Variants in FAM120A observed in about 807,000 individuals in gnomAD.
FAM120A encodes family with sequence similarity 120 member A.
In FAM120A, 15 loss-of-function variants were observed where a neutral mutation model predicts 109.7. The observed-to-expected ratio is 0.14, with a 90% CI of 0.09 to 0.21. The LOEUF (loss-of-function observed/expected upper bound fraction) is 0.21. Ranked by LOEUF, FAM120A falls within the 10% of genes least tolerant of loss-of-function variation. FAM120A has a pLI of 1.00. For synonymous variants in FAM120A, 493 were observed against 572.8 expected (o/e 0.86, Z 1.99); for missense variants, 899 against 1,439.3 (o/e 0.62, Z 6.07).
At chr9:93,531,751 AT>A (rs1162089675) in intron 9 of FAM120A, among the ~76,000 whole-genome samples, 8 of 152,352 alleles carry the variant, frequency 5.3e-5, no homozygotes, top group African/African-American at 1.9e-4. Context: ...TTTAGTTTGC[AT>A]GTAGGTAATT....
intron 3 of FAM120A, among the ~76,000 whole-genome samples, chr9:93,496,643 A>G (rs1358347772): frequency 6.6e-6 from 1 of 152,126 alleles, no homozygotes; most frequent in African/African-American, 2.4e-5. Flanking sequence ...TTGTCTGGGT[A>G]ATCCAGGACA....
intron 7 of FAM120A, among the ~76,000 whole-genome samples, chr9:93,520,996 C>T (rs938481911): frequency 2.6e-5 from 4 of 152,178 alleles, no homozygotes; most frequent in African/African-American, 9.7e-5. Context: ...TTGTACTGTA[C>T]AGTTCTCCTG....
intron 5 of FAM120A, among the ~76,000 whole-genome samples, chr9:93,504,948 T>TCAGTTG (rs1462616076): frequency 6.6e-6 from 1 of 152,202 alleles, no homozygotes; most frequent in Non-Finnish European, 1.5e-5. Flanking sequence ...TGTAAAGGTT[T>TCAGTTG]CAGTTGCATT....
chr9:93,538,683 C>G (rs1395377789), intron 10 of FAM120A, among the ~76,000 whole-genome samples: 2 of 152,202 alleles, frequency 1.3e-5, no homozygotes, highest in South Asian at 4.1e-4. Flanking sequence ...AGCTTAGAGA[C>G]ATACTTTATA....
intron 11 of FAM120A, among the ~76,000 whole-genome samples, chr9:93,548,109 A>T (rs1012006956): frequency 5.3e-5 from 8 of 152,168 alleles, no homozygotes; most frequent in Non-Finnish European, 1.0e-4. Context: ...GATTAAAAAA[A>T]AAAAATTTTT....
chr9:93,458,059 G>A (rs941201967), intron 1 of FAM120A, among the ~76,000 whole-genome samples: 2 of 152,060 alleles, frequency 1.3e-5, no homozygotes, highest in Non-Finnish European at 2.9e-5. Flanking sequence ...CCAAGGCACA[G>A]CCTCACTGTC....
intron 10 of FAM120A, among the ~76,000 whole-genome samples, chr9:93,539,840 G>C (rs963559819): frequency 2.6e-5 from 4 of 152,238 alleles, no homozygotes; most frequent in Admixed American, 6.5e-5. Flanking sequence ...CTACCCTCCA[G>C]CTGCCCCTTT....
At chr9:93,531,971 C>T (rs1439827099) in intron 9 of FAM120A, among the ~76,000 whole-genome samples, 184 bp from the exon 10 acceptor site, 3 of 152,198 alleles carry the variant, frequency 2.0e-5, no homozygotes, top group African/African-American at 7.2e-5. Flanking sequence ...TGAGCATATG[C>T]TTTGGCCACA....
At chr9:93,477,704 G>A (rs1401734288) in intron 3 of FAM120A, among the ~76,000 whole-genome samples, 1 of 152,192 alleles carries the variant, frequency 6.6e-6, no homozygotes, top group East Asian at 1.9e-4. Flanking sequence ...GTTTTGAAGA[G>A]CAGGAGTGAG....
intron 5 of FAM120A, among the ~76,000 whole-genome samples, chr9:93,508,258 A>G (rs568462973): frequency 1.4e-4 from 21 of 152,318 alleles, no homozygotes; most frequent in Admixed American, 5.2e-4. Context: ...AATCAGTACT[A>G]AGCAAAGAAC....
chr9:93,563,356 C>T (rs2131579269), intron 17 of FAM120A, among the ~76,000 whole-genome samples: 1 of 152,354 alleles, frequency 6.6e-6, no homozygotes, highest in Middle Eastern at 3.4e-3. Context: ...CCGAGTCAGT[C>T]TATGACAGTG....
In FAM120A at chr9:93,564,271, G is replaced by A. The variant is rs1005449933; in HGVS notation, c.3088G>A (p.Glu1030Lys). 6.2e-7 allele frequency: 1 copy of A among 1,613,744 alleles called. No homozygotes were observed. Among genetic ancestry groups the A allele is most frequent in the African/African-American group, 1.3e-5 (1 of 74,922 alleles). ...TGCTTCAGCAGAAGAAGTGGCCAAA[G>A]AACTTAAGTCAAAATCTGGGGAATC... ...YAASAEEVAK[E>K]LKSKSGESKS... Residue 1030 changes from glutamate to lysine, a missense_variant, in exon 18 of 18, where the codon GAA becomes AAA. Glu to Lys is a moderately conservative substitution (Grantham distance 56). Around this residue, in one of 11 missense-constraint regions of FAM120A, gnomAD observed 170 missense variants for 205.0 expected, o/e 0.83. Coordinates refer to ENST00000277165, the MANE Select transcript of FAM120A (RefSeq NM_014612.5).
Position 93,452,218 on chromosome 9 carries a change from G to A in FAM120A, c.303G>A (p.Glu101=), listed in dbSNP as rs1416988256. Reference sequence around the variant, plus strand: ...TCGTCTTCTTCAACGGCGCGCTCGAGAAGGCCCGGCTGCACGAGTGGGTCA... The same window carrying A: ...TCGTCTTCTTCAACGGCGCGCTCGAAAAGGCCCGGCTGCACGAGTGGGTCA... ...ELFVFFNGAL[E]KARLHEWVKR... Residue 101 remains glutamate, a synonymous_variant, in exon 1 of 18, where the codon GAG becomes GAA. Coordinates refer to ENST00000277165, the MANE Select transcript of FAM120A (RefSeq NM_014612.5). This position sits in a 1 kb window ranked among gnomAD's most constrained non-coding sequence, Gnocchi z 7.0. 3 of 1,611,518 alleles carry A rather than the reference G, an allele frequency of 1.9e-6. No individual in the cohort carries two copies. Among genetic ancestry groups the A allele is most frequent in the African/African-American group, 2.7e-5 (2 of 74,994 alleles).
chr9:93,503,152 T>A (rs1279540431), intron 5 of FAM120A, among the ~76,000 whole-genome samples: 2 of 152,248 alleles, frequency 1.3e-5, no homozygotes, highest in Non-Finnish European at 2.9e-5. Context: ...ATTGTGCTGC[T>A]AATGGGATTG....
rs892164045 is a variant in FAM120A at position 93,531,687 on chromosome 9, T to C, written c.1735-468T>C. On this transcript the variant is annotated intron_variant, in intron 9 of 17. Transcript: ENST00000277165. ...TAACACACGAGGTGGTAATTTGCCA[T>C]GGAAGAACTTAGCAAAGAAAATTTG... Among the ~76,000 whole-genome samples, 5 of 152,228 alleles carry C rather than the reference T, an allele frequency of 3.3e-5. 2 individuals carry two copies. Among genetic ancestry groups the C allele is most frequent in the Non-Finnish European group, 7.3e-5 (5 of 68,038 alleles).
intron 11 of FAM120A, among the ~76,000 whole-genome samples, chr9:93,543,827 G>A (rs1309914156): frequency 7.9e-5 from 12 of 152,094 alleles, no homozygotes; most frequent in Non-Finnish European, 1.6e-4. Flanking sequence ...GGGAAAATGT[G>A]CCACTTCTTC....
intron 10 of FAM120A, among the ~76,000 whole-genome samples, chr9:93,537,513 A>G (rs1211125858): frequency 6.6e-6 from 1 of 152,214 alleles, no homozygotes; most frequent in East Asian, 1.9e-4. Flanking sequence ...AGTAAATAAG[A>G]GAAACAGGCT....
intron 5 of FAM120A, among the ~76,000 whole-genome samples, chr9:93,506,226 A>G (rs1860048496): frequency 6.6e-6 from 1 of 152,132 alleles, no homozygotes; most frequent in Non-Finnish European, 1.5e-5. Flanking sequence ...AATTACACCA[A>G]CTCTGTAGAT....
intron 3 of FAM120A, among the ~76,000 whole-genome samples, chr9:93,484,034 C>G (rs1056998306): frequency 6.0e-5 from 9 of 150,984 alleles, no homozygotes; most frequent in Non-Finnish European, 1.2e-4. Context: ...TTTTCTGTGT[C>G]TCTCTTTTTT....
Sources: allele counts gnomAD v4.1 joint callset (sites outside exome capture counted in the v4.1 genomes callset), GRCh38; gene constraint gnomAD v4.1.1; regional missense constraint gnomAD v4.1.1; non-coding constraint Gnocchi (gnomAD v3.1); transcripts MANE v1.5; gene names NCBI Gene and HGNC (gene_info 2026-07-23, HGNC 2026-07-21).